Variants in FAM219A observed in about 807,000 individuals in gnomAD.
FAM219A encodes the protein family with sequence similarity 219 member A.
FAM219A carries 7 observed loss-of-function variants against 23.4 expected under a neutral mutation model. The ratio of observed to expected loss-of-function variants is 0.30; its 90% CI spans 0.17 to 0.56. The LOEUF is 0.56. Among genes scored for constraint, FAM219A ranks in the 20% least tolerant of loss-of-function variants. The pLI, the probability that FAM219A is intolerant of heterozygous loss-of-function variation, is 0.92. For missense variants in FAM219A, 166 were observed against 246.9 expected (o/e 0.67, Z 2.20); for synonymous variants, 93 against 99.0 (o/e 0.94, Z 0.36).
chr9:34,430,434 G>A (rs983838517), intron 1 of FAM219A, among the ~76,000 whole-genome samples: 2 of 150,898 alleles, frequency 1.3e-5, no homozygotes, highest in Non-Finnish European at 3.0e-5. Flanking sequence ...TCAGGAGACC[G>A]AGACCATCCT....
intron 1 of FAM219A, among the ~76,000 whole-genome samples, chr9:34,427,521 A>G (rs944973676): frequency 6.6e-6 from 1 of 152,138 alleles, no homozygotes; most frequent in Non-Finnish European, 1.5e-5. Flanking sequence ...TATTTAAATG[A>G]CTATTTGTAT....
At chr9:34,450,711 C>T (rs1004352730) in intron 1 of FAM219A, among the ~76,000 whole-genome samples, 5 of 152,168 alleles carry the variant, frequency 3.3e-5, no homozygotes, top group African/African-American at 7.2e-5. Context: ...CCACTGCGCC[C>T]GGCCAATTCA....
At chr9:34,409,833 G>T (rs140152495) in intron 1 of FAM219A, among the ~76,000 whole-genome samples, 12 of 152,226 alleles carry the variant, frequency 7.9e-5, no homozygotes, top group Admixed American at 1.3e-4. Flanking sequence ...TTATATATCA[G>T]CCTGTTGCAA....
intron 1 of FAM219A, among the ~76,000 whole-genome samples, chr9:34,412,538 T>C (rs1269189716): frequency 6.8e-6 from 1 of 146,468 alleles, no homozygotes; most frequent in Non-Finnish European, 1.5e-5. Context: ...GCTCAGAAAA[T>C]GGGTGTGGGC....
chr9:34,435,549 C>A (rs1374187687), intron 1 of FAM219A, among the ~76,000 whole-genome samples: 1 of 152,144 alleles, frequency 6.6e-6, no homozygotes, highest in Non-Finnish European at 1.5e-5. Context: ...TTATTTTATA[C>A]TTCCAGACTT....
intron 1 of FAM219A, among the ~76,000 whole-genome samples, chr9:34,435,074 G>C (rs893083844): frequency 1.3e-5 from 2 of 152,198 alleles, no homozygotes; most frequent in Admixed American, 6.5e-5. Flanking sequence ...GCCTGCCTCA[G>C]CCTCCCAAAG....
At chr9:34,411,690 AAAAG>A (rs563890557) in intron 1 of FAM219A, among the ~76,000 whole-genome samples, 16,853 of 105,852 alleles carry the variant, frequency 0.16, 950 homozygotes, top group Non-Finnish European at 0.2. Flanking sequence ...AAAAAAAAAA[AAAAG>A]AAAGAAAGAA....
chr9:34,410,216 T>C (rs1821774928), intron 1 of FAM219A, among the ~76,000 whole-genome samples: 1 of 152,222 alleles, frequency 6.6e-6, no homozygotes, highest in Non-Finnish European at 1.5e-5. Flanking sequence ...CTTGTCCCCC[T>C]GCCCCAGGGC....
At position 34,398,231 on chromosome 9, in the gene FAM219A, C is replaced by T. The variant is rs1821283631; in HGVS notation, c.*2733G>A. On this transcript the variant is annotated 3_prime_UTR_variant, in exon 6 of 6. Transcript: ENST00000651358. ...ATCATTATTTGTGTTACACGATACA[C>T]AACCAAGGATGATGGTCAATACTGC... The T allele has an allele frequency of 1.3e-6, 2 of 1,537,858 alleles. No individual in the cohort carries two copies. The highest frequency in any genetic ancestry group is 2.7e-5 in the African/African-American group (2 of 72,728).
intron 1 of FAM219A, among the ~76,000 whole-genome samples, chr9:34,438,229 G>A (rs549563930): frequency 2.6e-5 from 4 of 152,338 alleles, no homozygotes; most frequent in East Asian, 3.9e-4. Context: ...GCTCCTGTGC[G>A]GCCATGAGCC....
intron 1 of FAM219A, among the ~76,000 whole-genome samples, chr9:34,443,845 T>A (rs1182307723): frequency 6.6e-6 from 1 of 152,058 alleles, no homozygotes; most frequent in Non-Finnish European, 1.5e-5. Flanking sequence ...TCAGAGCCCA[T>A]GGCAAATGAA....
Position 34,400,856 on chromosome 9 carries a change from AGGGG to A in FAM219A, c.*104_*107del. On this transcript the variant is annotated 3_prime_UTR_variant, in exon 6 of 6. Coordinates refer to ENST00000651358, the MANE Select transcript of FAM219A (RefSeq NM_001184940.2). Reference sequence around the variant, plus strand: ...ACTGTTATACGAGGTTGGCGGCTGTAGGGGCGCGGGGCCGGGGGCAGGCAGACGA... The same window carrying A: ...ACTGTTATACGAGGTTGGCGGCTGTACGCGGGGCCGGGGGCAGGCAGACGA... 8.4e-7 allele frequency: 1 copy of A among 1,184,818 alleles called. No individual in the cohort carries two copies. Among genetic ancestry groups the A allele is most frequent in the Non-Finnish European group, 1.1e-6 (1 of 882,352 alleles). The allele number at this position is 1,184,818 out of a possible 1,614,324, so 73.4% of individuals were successfully genotyped here.
At chr9:34,402,874 C>A in intron 2 of FAM219A, 67 bp from the exon 3 acceptor site, 1 of 1,468,828 alleles carries the variant, frequency 6.8e-7, no homozygotes, top group South Asian at 1.2e-5. Context: ...CTACTCAGGG[C>A]AGCCTGGGCT....
At chr9:34,449,725 G>A (rs1381358242) in intron 1 of FAM219A, among the ~76,000 whole-genome samples, 1 of 152,068 alleles carries the variant, frequency 6.6e-6, no homozygotes, top group African/African-American at 2.4e-5. Flanking sequence ...GATGTAACAT[G>A]AAAAAAGGTT....
At chr9:34,438,827 A>G (rs1823041601) in intron 1 of FAM219A, among the ~76,000 whole-genome samples, 1 of 152,252 alleles carries the variant, frequency 6.6e-6, no homozygotes, top group Admixed American at 6.5e-5. Flanking sequence ...GAATAAAAGC[A>G]GGCTGCCCAA....
chr9:34,452,045 C>T (rs570037381), intron 1 of FAM219A, among the ~76,000 whole-genome samples: 1 of 152,256 alleles, frequency 6.6e-6, no homozygotes, highest in East Asian at 1.9e-4. Flanking sequence ...ATAAAGCACT[C>T]AGACAACAAA....
intron 1 of FAM219A, among the ~76,000 whole-genome samples, chr9:34,444,786 GC>G (rs1224639322): frequency 1.3e-5 from 2 of 152,062 alleles, no homozygotes; most frequent in African/African-American, 4.8e-5. Flanking sequence ...TCTCATAGCA[GC>G]CTTACCTGAC....
chr9:34,408,911 A>G (rs1257612878), intron 1 of FAM219A, among the ~76,000 whole-genome samples: 2 of 152,208 alleles, frequency 1.3e-5, no homozygotes, highest in Non-Finnish European at 2.9e-5. Flanking sequence ...GAGTTCATCA[A>G]AGTTTCTTCT....
rs531714206 is a variant in FAM219A, at chr9:34,420,329, A to G, written c.61-14365T>C. 2.6e-5 allele frequency among the ~76,000 whole-genome samples: 4 copies of G among 152,336 alleles called. No homozygotes were observed. In the South Asian group the frequency reaches 8.3e-4, roughly 32 times the overall value. ...GGAGAGCGATAATGGTAGCGATATT[A>G]TCTTCTCTGACATACAAGATTGGGC... On this transcript the variant is annotated intron_variant, in intron 1 of 5. Coordinates refer to ENST00000651358, the MANE Select transcript of FAM219A (RefSeq NM_001184940.2).
Sources: allele counts gnomAD v4.1 joint callset (sites outside exome capture counted in the v4.1 genomes callset), GRCh38; gene constraint gnomAD v4.1.1; transcripts MANE v1.5; gene names NCBI Gene and HGNC (gene_info 2026-07-23, HGNC 2026-07-21).